Variants in CYP11A1 observed in about 807,000 individuals in gnomAD.
CYP11A1 encodes cytochrome P450 family 11 subfamily A member 1, also known as cholesterol side-chain cleavage enzyme, mitochondrial.
A neutral mutation model predicts 51.9 loss-of-function variants in CYP11A1; 25 were observed. That is an observed-to-expected ratio of 0.48 (90% confidence interval 0.35 to 0.67). CYP11A1 has a LOEUF of 0.67. Ranked by LOEUF, CYP11A1 falls within the 30% of genes least tolerant of loss-of-function variation. CYP11A1 has a pLI of 0.00. For missense variants in CYP11A1, 578 were observed against 680.9 expected (o/e 0.85, Z 1.68); for synonymous variants, 245 against 262.1 (o/e 0.93, Z 0.63).
At chr15:74,339,383 CCT>C in intron 6 of CYP11A1, 68 bp from the exon 7 acceptor site, 1 of 1,500,634 alleles carries the variant, frequency 6.7e-7, no homozygotes, top group South Asian at 1.1e-5. Context: ...AGCCCCACAC[CCT>C]GTGTGGCATC....
intron 1 of CYP11A1, among the ~76,000 whole-genome samples, chr15:74,361,135 T>C (rs1009592863): frequency 6.6e-6 from 1 of 152,222 alleles, no homozygotes; most frequent in Admixed American, 6.5e-5. Flanking sequence ...TCTTTCCTAA[T>C]GCCTGGCTTT....
intron 1 of CYP11A1, among the ~76,000 whole-genome samples, chr15:74,361,003 T>G (rs1279349303): frequency 6.6e-6 from 1 of 152,244 alleles, no homozygotes. Flanking sequence ...GGGGGTTTTT[T>G]TGTGTGTGTG....
chr15:74,339,267 C>T lies in CYP11A1; in HGVS notation c.1206G>A (p.Leu402=), dbSNP rs766156714. Reference sequence around the variant, plus strand: ...CAGGAATCATGTAATCTCGAAGAACCAAGTCATTTACAAGATATCTCTGCA... The same window carrying T: ...CAGGAATCATGTAATCTCGAAGAACTAAGTCATTTACAAGATATCTCTGCA... ...VTLQRYLVND[L]VLRDYMIPAK... is the part of the protein sequence containing the mutation. The change falls in exon 7 of 9, where the codon TTG becomes TTA. Residue 402 remains leucine, a synonymous_variant. Coordinates refer to ENST00000268053, the MANE Select transcript of CYP11A1 (RefSeq NM_000781.3). 2.5e-6 allele frequency: 4 copies of T among 1,614,170 alleles called. No homozygotes were observed. The highest frequency in any genetic ancestry group is 3.4e-6 in the Non-Finnish European group (4 of 1,180,010).
chr15:74,352,418 C>T (rs1273931852), intron 1 of CYP11A1, among the ~76,000 whole-genome samples: 20 of 151,838 alleles, frequency 1.3e-4, no homozygotes, highest in African/African-American at 4.4e-4. Flanking sequence ...CACAGGCACA[C>T]GCCACCACGC....
intron 1 of CYP11A1, chr15:74,362,873 T>C (rs1461506470): frequency 6.6e-6 from 1 of 152,216 alleles, no homozygotes; most frequent in Non-Finnish European, 1.5e-5. Context: ...GCCCAATGTA[T>C]GTAAGAAACT....
intron 1 of CYP11A1, among the ~76,000 whole-genome samples, chr15:74,352,641 T>C (rs944296259): frequency 6.6e-6 from 1 of 152,154 alleles, no homozygotes; most frequent in Admixed American, 6.5e-5. Context: ...AAAGTCTCAC[T>C]GAGATAAATG....
intron 3 of CYP11A1, 47 bp downstream of exon 3, chr15:74,344,997 T>G: frequency 6.5e-7 from 1 of 1,542,874 alleles, no homozygotes; most frequent in Non-Finnish European, 9.0e-7. Context: ...GAACACTGAG[T>G]CCTCCCACCC....
At chr15:74,353,300 T>C (rs976970471) in intron 1 of CYP11A1, among the ~76,000 whole-genome samples, 3 of 152,230 alleles carry the variant, frequency 2.0e-5, no homozygotes, top group African/African-American at 7.2e-5. Flanking sequence ...TAAAACCTGA[T>C]AAAGAATTGG....
At position 74,338,552 on chromosome 15, in the gene CYP11A1, T is replaced by C. The variant is rs1019309635; in HGVS notation, c.1434+19A>G. The C allele has an allele frequency of 1.2e-6, 2 of 1,613,740 alleles. No individual in the cohort carries two copies. Among genetic ancestry groups the C allele is most frequent in the Admixed American group, 3.3e-5 (2 of 60,014 alleles). ...CCAGGGCCAGCCCAGGGTGCCTAGA[T>C]GTCCCCAGCTTGACTCACATTGATG... On this transcript the variant is annotated intron_variant, in intron 8 of 8. Coordinates refer to ENST00000268053, the MANE Select transcript of CYP11A1 (RefSeq NM_000781.3).
chr15:74,340,140 C>CTTGTTAAACAAGGTT (rs2060599944), intron 5 of CYP11A1, among the ~76,000 whole-genome samples: 2 of 152,334 alleles, frequency 1.3e-5, no homozygotes, highest in Admixed American at 1.3e-4. Context: ...ACTGCCATTC[C>CTTGTTAAACAAGGTT]TTTTGAAATG....
intron 1 of CYP11A1, among the ~76,000 whole-genome samples, chr15:74,354,972 C>T (rs2060672311): frequency 6.6e-6 from 1 of 152,130 alleles, no homozygotes; most frequent in East Asian, 1.9e-4. Context: ...GGGACACCTG[C>T]CTTGATCCTT....
intron 1 of CYP11A1, chr15:74,350,747 T>C (rs1268549934): frequency 6.6e-6 from 1 of 152,124 alleles, no homozygotes; most frequent in Non-Finnish European, 1.5e-5. Context: ...CCAAAAATTC[T>C]GTTAACGGGG....
At chr15:74,363,733 A>G (rs1596168933) in intron 1 of CYP11A1, 1 of 152,274 alleles carries the variant, frequency 6.6e-6, no homozygotes, top group African/African-American at 2.4e-5. Context: ...ATATGCAACC[A>G]TGAGGACACC....
rs1473768112 is a variant in CYP11A1, at chr15:74,339,642, C to T, written c.1102G>A (p.Ala368Thr). Reference sequence around the variant, plus strand: ...AGGGGGACCAGCTGTAGCATCGTGGCCATGTCTCCCTGGGCCTGGTGCCGC... The same window carrying T: ...AGGGGGACCAGCTGTAGCATCGTGGTCATGTCTCCCTGGGCCTGGTGCCGC... ...AARHQAQGDM[A>T]TMLQLVPLLK... Residue 368 changes from alanine (A) to threonine (T), a missense_variant, in exon 6 of 9, where the codon GCC becomes ACC. Ala to Thr is a moderately conservative substitution (Grantham distance 58). Coordinates refer to ENST00000268053, the MANE Select transcript of CYP11A1 (RefSeq NM_000781.3). 6.2e-7 allele frequency: 1 copy of T among 1,614,164 alleles called. No homozygotes were observed. Among genetic ancestry groups the T allele is most frequent in the African/African-American group, 1.3e-5 (1 of 75,034 alleles).
intron 1 of CYP11A1, chr15:74,366,879 C>A: frequency 5.6e-6 from 1 of 179,444 alleles, no homozygotes; most frequent in Non-Finnish European, 1.2e-5. Context: ...CCACACCCAG[C>A]TAATTTTTGT....
chr15:74,350,238 G>C (rs2060649880), intron 1 of CYP11A1: 1 of 273,058 alleles, frequency 3.7e-6, no homozygotes, highest in Admixed American at 5.0e-5. Context: ...GTGTTTCTCT[G>C]TATTTTCTAA....
chr15:74,362,075 C>G, intron 1 of CYP11A1: 1 of 1,372,980 alleles, frequency 7.3e-7, no homozygotes, highest in Non-Finnish European at 1.0e-6. Flanking sequence ...TCTTAACCAC[C>G]AGACCATTCC....
chr15:74,361,787 T>C, intron 1 of CYP11A1: 2 of 1,233,948 alleles, frequency 1.6e-6, no homozygotes, highest in South Asian at 1.2e-5. Flanking sequence ...AGTCCATCTA[T>C]GGGGAGAAAT....
chr15:74,339,113 T>C (rs1439765676), intron 7 of CYP11A1, 124 bp downstream of exon 7: 6 of 834,428 alleles, frequency 7.2e-6, no homozygotes, highest in Non-Finnish European at 1.2e-5. Context: ...CTGCCCTTCA[T>C]TCAGACTTAG....
Sources: gnomAD v4.1 joint callset for allele counts (sites outside exome capture counted in the v4.1 genomes callset) on GRCh38, gnomAD v4.1.1 for gene constraint, MANE v1.5 for transcripts, NCBI Gene and HGNC (gene_info 2026-07-23, HGNC 2026-07-21) for gene names.